The following DNAH8 variants were observed in gnomAD, a reference collection of about 807,000 sequenced individuals.
DNAH8 encodes axonemal beta dynein heavy chain 8.
DNAH8 carries 382 observed loss-of-function variants against 562.1 expected under a neutral mutation model. The ratio of observed to expected loss-of-function variants is 0.68; its 90% CI spans 0.63 to 0.74. The LOEUF (loss-of-function observed/expected upper bound fraction) is 0.74, where lower values mean the gene tolerates loss of function less well. Among genes scored for constraint, DNAH8 ranks in the 30% least tolerant of loss-of-function variants. DNAH8 has a pLI of 0.00. For synonymous variants in DNAH8, 1,881 were observed against 1,919.4 expected, an observed-to-expected ratio of 0.98 and a Z score of 0.52; for missense variants, 5,203 against 5,620.4, an observed-to-expected ratio of 0.93 and a Z score of 2.37.
chr6:38,783,460 G>T (rs1166303753), intron 17 of DNAH8, among the ~76,000 whole-genome samples: 1 of 152,130 alleles, frequency 6.6e-6, no homozygotes, highest in Non-Finnish European at 1.5e-5. Context: ...TCATGATATA[G>T]ATTCAAATCT....
intron 52 of DNAH8, among the ~76,000 whole-genome samples, chr6:38,874,099 TTTCTCCTTCCTTCCTTCCTCCTTCTC>T (rs1561797687): frequency 8.5e-5 from 10 of 118,236 alleles, no homozygotes; most frequent in East Asian, 3.6e-4. Flanking sequence ...TTTCTTTCTC[TTTCTCCTTCCTTCCTTCCTCCTTCTC>T]TCTTTCTTTC....
intron 24 of DNAH8, among the ~76,000 whole-genome samples, chr6:38,813,145 AT>A (rs1341556215): frequency 2.0e-5 from 3 of 152,152 alleles, no homozygotes; most frequent in Non-Finnish European, 4.4e-5. Flanking sequence ...TGCCTTTATT[AT>A]TCAACTGTTC....
rs1347494819 is a variant in DNAH8, at chr6:38,723,203, T to G, written c.390+4T>G. 1 of 1,601,264 alleles carries G rather than the reference T, an allele frequency of 6.2e-7. No individual in the cohort carries two copies. Among genetic ancestry groups the G allele is most frequent in the Non-Finnish European group, 8.5e-7 (1 of 1,175,084 alleles). ...GGAAACATTAAAAGAGAGACAGGTT[T>G]GCTTCTAATACGATTTTTCATGTGT... is the stretch of plus-strand genomic sequence containing the variant. On this transcript the variant is annotated splice_donor_region_variant and intron_variant, in intron 2 of 92. Coordinates refer to ENST00000327475, the MANE Select transcript of DNAH8 (RefSeq NM_001206927.2).
intron 5 of DNAH8, 92 bp downstream of exon 5, chr6:38,734,717 T>G: frequency 1.5e-6 from 2 of 1,375,144 alleles, no homozygotes; most frequent in Non-Finnish European, 2.0e-6. Context: ...CCTTTTTAAA[T>G]ATAGGACTGA....
chr6:38,889,403 C>T (rs1229797014), intron 57 of DNAH8, among the ~76,000 whole-genome samples: 5 of 151,882 alleles, frequency 3.3e-5, no homozygotes, highest in Admixed American at 6.6e-5. Context: ...AGAGAGGTGG[C>T]GACCTCTGGA....
In DNAH8 at chr6:38,741,734, G is replaced by A; in HGVS notation, c.1140G>A (p.Met380Ile). Residue 380 changes from methionine (M) to isoleucine (I), a missense_variant, in exon 8 of 93, where the codon ATG becomes ATA. Transcript: ENST00000327475. ...IEQVLIESEQMRKEAGDSGPL... is the reference protein window; with the variant it reads ...IEQVLIESEQIRKEAGDSGPL... ...AGGTACTTATTGAGAGTGAGCAGAT[G>A]AGAAAAGAAGCTGGTGATTCAGGTC... The A allele has an allele frequency of 1.2e-6, 2 of 1,613,332 alleles. No homozygotes were observed. Among genetic ancestry groups the A allele is most frequent in the Non-Finnish European group, 1.7e-6 (2 of 1,179,726 alleles).
chr6:38,944,121 G>A (rs889602548), intron 79 of DNAH8, among the ~76,000 whole-genome samples: 1 of 144,174 alleles, frequency 6.9e-6, no homozygotes, highest in Non-Finnish European at 1.5e-5. Flanking sequence ...AAGAAAAGGG[G>A]TGAGTTTGTC....
chr6:38,897,589 T>C (rs996555768), intron 60 of DNAH8, among the ~76,000 whole-genome samples: 10 of 152,148 alleles, frequency 6.6e-5, no homozygotes, highest in African/African-American at 2.4e-4. Context: ...AAAGGGACTT[T>C]TAAAAACAGG....
intron 88 of DNAH8, among the ~76,000 whole-genome samples, chr6:38,991,565 A>G (rs1764790086): frequency 6.6e-6 from 1 of 152,128 alleles, no homozygotes; most frequent in African/African-American, 2.4e-5. Context: ...TTCCCGTGAC[A>G]CTCTGAGACA....
chr6:38,906,432 G>T, intron 63 of DNAH8, 25 bp downstream of exon 63: 2 of 1,497,438 alleles, frequency 1.3e-6, no homozygotes, highest in South Asian at 1.4e-5. Context: ...TAGAGAAAAA[G>T]CCCATATTGT....
intron 31 of DNAH8, 52 bp from the exon 32 acceptor site, chr6:38,834,523 AACTG>A: frequency 8.1e-7 from 1 of 1,239,460 alleles, no homozygotes. Context: ...AAACCCAATA[AACTG>A]ACAAATACAT....
At position 38,938,860 on chromosome 6, in the gene DNAH8, A is replaced by C; in HGVS notation, c.11879A>C (p.Glu3960Ala). ...ITNIIEYLTY[E>A]VFTYSVRGLY... ...AATATTATCGAGTACCTGACATATGAAGTTTTTACATACTCTGTCAGAGGC... is the reference window on the plus strand; with the variant it reads ...AATATTATCGAGTACCTGACATATGCAGTTTTTACATACTCTGTCAGAGGC... The change falls in exon 79 of 93, where the codon GAA becomes GCA. Residue 3960 changes from glutamate (E) to alanine (A), a missense_variant. Coordinates refer to ENST00000327475, the MANE Select transcript of DNAH8 (RefSeq NM_001206927.2). 6.2e-7 allele frequency: 1 copy of C among 1,613,342 alleles called. No homozygotes were observed. Among genetic ancestry groups the C allele is most frequent in the South Asian group, 1.1e-5 (1 of 91,030 alleles).
Position 38,729,897 on chromosome 6 carries a change from A to C in DNAH8, c.526-5A>C. On this transcript the variant is annotated splice_polypyrimidine_tract_variant and splice_region_variant and intron_variant, in intron 3 of 92. Coordinates refer to ENST00000327475, the MANE Select transcript of DNAH8 (RefSeq NM_001206927.2). Reference sequence around the variant, plus strand: ...TTGATTATCATTTTCTCTTTTATTTAACAGCTGGAAGCATTTACTAATTTT... The same window carrying C: ...TTGATTATCATTTTCTCTTTTATTTCACAGCTGGAAGCATTTACTAATTTT... 1 of 1,495,264 alleles carries C rather than the reference A, an allele frequency of 6.7e-7. No individual in the cohort carries two copies. The highest frequency in any genetic ancestry group is 9.2e-7 in the Non-Finnish European group (1 of 1,085,630). The allele number at this position is 1,495,264 out of a possible 1,614,324, so 92.6% of individuals were successfully genotyped here. A position where few individuals can be genotyped will look rare whatever the true frequency, so the allele number is the denominator to read the frequency against.
At chr6:38,880,199 A>C (rs1438904279) in intron 53 of DNAH8, among the ~76,000 whole-genome samples, 1 of 152,154 alleles carries the variant, frequency 6.6e-6, no homozygotes, top group Non-Finnish European at 1.5e-5. Flanking sequence ...GTGAGCTGAG[A>C]TTGTGCCACT....
intron 4 of DNAH8, among the ~76,000 whole-genome samples, chr6:38,732,528 G>C (rs1236949629): frequency 2.0e-5 from 3 of 152,190 alleles, no homozygotes; most frequent in Non-Finnish European, 4.4e-5. Flanking sequence ...TGGCTTATAT[G>C]AGTGGAAAGC....
intron 58 of DNAH8, among the ~76,000 whole-genome samples, chr6:38,891,390 T>G (rs1213908334): frequency 6.6e-6 from 1 of 152,200 alleles, no homozygotes; most frequent in African/African-American, 2.4e-5. Flanking sequence ...CAAAAAGCCA[T>G]GAAGGAGATA....
intron 21 of DNAH8, among the ~76,000 whole-genome samples, chr6:38,801,998 C>A (rs1225758383): frequency 2.0e-5 from 3 of 151,838 alleles, no homozygotes; most frequent in Admixed American, 1.3e-4. Context: ...GGCTGGAATG[C>A]AGTGAACATG....
intron 8 of DNAH8, among the ~76,000 whole-genome samples, chr6:38,747,449 C>A (rs1306120876): frequency 7.0e-6 from 1 of 142,474 alleles, no homozygotes; most frequent in African/African-American, 2.7e-5. Flanking sequence ...TGCAGAGGTG[C>A]GATCTTGGCT....
At chr6:38,896,356 T>C in intron 60 of DNAH8, 131 bp downstream of exon 60, 1 of 719,132 alleles carries the variant, frequency 1.4e-6, no homozygotes, top group East Asian at 2.7e-5. Context: ...GGAGGATTGC[T>C]TGAGCCTGGG....
Sources: allele counts gnomAD v4.1 joint callset (sites outside exome capture counted in the v4.1 genomes callset), GRCh38; gene constraint gnomAD v4.1.1; transcripts MANE v1.5; gene names NCBI Gene and HGNC (gene_info 2026-07-23, HGNC 2026-07-21).